Variants in LRP1B observed in about 807,000 individuals in gnomAD.
LRP1B encodes the protein low-density lipoprotein receptor-related protein 1B.
In LRP1B, 217 loss-of-function variants were observed where a neutral mutation model predicts 556.6. That is an observed-to-expected ratio of 0.39 (90% CI 0.35 to 0.44). The LOEUF (loss-of-function observed/expected upper bound fraction) is 0.44. Ranked by LOEUF, LRP1B falls within the 20% of genes least tolerant of loss-of-function variation. The pLI, the probability that LRP1B is intolerant of heterozygous loss-of-function variation, is 1.00. For synonymous variants in LRP1B, 2,047 were observed against 1,865.8 expected (o/e 1.10, Z -2.50); for missense variants, 5,053 against 5,620.8 (o/e 0.90, Z 3.23).
intron 2 of LRP1B, among the ~76,000 whole-genome samples, chr2:141,804,160 C>G (rs376718652): frequency 7.9e-5 from 12 of 151,952 alleles, no homozygotes; most frequent in Non-Finnish European, 1.3e-4. Context: ...AATTAGGTAG[C>G]CTGAAGGATT....
intron 1 of LRP1B, among the ~76,000 whole-genome samples, chr2:142,066,602 TG>T (rs1705118619): frequency 6.6e-6 from 1 of 151,532 alleles, no homozygotes; most frequent in Non-Finnish European, 1.5e-5. Flanking sequence ...TTCTCTAATG[TG>T]GTATGTTTTC....
At chr2:140,911,809 A>G (rs1046388521) in intron 21 of LRP1B, among the ~76,000 whole-genome samples, 11 of 151,792 alleles carry the variant, frequency 7.2e-5, no homozygotes, top group African/African-American at 2.7e-4. Context: ...CACATCACCA[A>G]TCCATGATGG....
At chr2:141,782,164 C>A (rs1695276134) in intron 2 of LRP1B, among the ~76,000 whole-genome samples, 1 of 152,086 alleles carries the variant, frequency 6.6e-6, no homozygotes, top group African/African-American at 2.4e-5. Context: ...CCACTGGGTT[C>A]TTTACCAACA....
At chr2:140,936,085 A>G (rs1019815776) in intron 20 of LRP1B, among the ~76,000 whole-genome samples, 1 of 151,786 alleles carries the variant, frequency 6.6e-6, no homozygotes, top group African/African-American at 2.4e-5. Context: ...CATGCCTGCA[A>G]TCCTGGCACT....
At chr2:140,387,330 A>G (rs1278055400) in intron 66 of LRP1B, among the ~76,000 whole-genome samples, 1 of 152,228 alleles carries the variant, frequency 6.6e-6, no homozygotes, top group Non-Finnish European at 1.5e-5. Context: ...AAAATTAAAT[A>G]CTGAGCATCT....
At chr2:140,737,240 T>A (rs1687978230) in intron 35 of LRP1B, among the ~76,000 whole-genome samples, 1 of 152,140 alleles carries the variant, frequency 6.6e-6, no homozygotes. Flanking sequence ...ATTGTGTTGA[T>A]CCTCCTAGAT....
At chr2:140,856,050 A>G (rs1692608337) in intron 27 of LRP1B, among the ~76,000 whole-genome samples, 1 of 152,168 alleles carries the variant, frequency 6.6e-6, no homozygotes, top group Admixed American at 6.6e-5. Context: ...ATGGCTATGT[A>G]TCTGGTACAT....
chr2:142,046,681 T>C (rs1704272232), intron 1 of LRP1B, among the ~76,000 whole-genome samples: 3 of 151,960 alleles, frequency 2.0e-5, no homozygotes, highest in Admixed American at 2.0e-4. Flanking sequence ...GACTGATCAG[T>C]ATAATATAGT....
chr2:141,051,971 T>C (rs1192359670), intron 10 of LRP1B, among the ~76,000 whole-genome samples: 1 of 42,548 alleles, frequency 2.4e-5, no homozygotes, highest in Non-Finnish European at 8.2e-5. Context: ...GCTCTTATTG[T>C]TTAATTTTAG....
chr2:141,655,463 G>C (rs971351242), intron 2 of LRP1B, among the ~76,000 whole-genome samples: 1 of 152,004 alleles, frequency 6.6e-6, no homozygotes, highest in African/African-American at 2.4e-5. Flanking sequence ...GTTGAGCAGA[G>C]TTTTACACCT....
At chr2:141,231,580 T>C (rs978555837) in intron 5 of LRP1B, among the ~76,000 whole-genome samples, 2 of 151,618 alleles carry the variant, frequency 1.3e-5, no homozygotes, top group Non-Finnish European at 2.9e-5. Context: ...ATATAGCACG[T>C]AGCACGTTCC....
At chr2:141,169,348 G>A (rs1680400787) in intron 7 of LRP1B, among the ~76,000 whole-genome samples, 1 of 150,692 alleles carries the variant, frequency 6.6e-6, no homozygotes. Flanking sequence ...AGAAGAGATG[G>A]GACGTATGTA....
At chr2:141,478,900 C>G (rs891053693) in intron 3 of LRP1B, among the ~76,000 whole-genome samples, 2 of 152,024 alleles carry the variant, frequency 1.3e-5, no homozygotes, top group Admixed American at 1.3e-4. Context: ...TGTCACAAAG[C>G]CTTTACATAA....
chr2:140,489,059 T>G (rs2105368888), intron 57 of LRP1B, among the ~76,000 whole-genome samples: 1 of 152,122 alleles, frequency 6.6e-6, no homozygotes, highest in Middle Eastern at 3.4e-3. Flanking sequence ...CTTCAGATAT[T>G]TTTTTCCAAG....
At chr2:141,206,542 G>A (rs6733026) in intron 6 of LRP1B, among the ~76,000 whole-genome samples, 56,907 of 151,482 alleles carry the variant, frequency 0.38, 11,926 homozygotes, top group Middle Eastern at 0.55. Flanking sequence ...AGCCGAGATC[G>A]TGCCACTGCA....
chr2:140,988,883 G>A (rs1432054344), intron 17 of LRP1B, among the ~76,000 whole-genome samples: 2 of 152,078 alleles, frequency 1.3e-5, no homozygotes, highest in Non-Finnish European at 2.9e-5. Flanking sequence ...GCACTAGGCT[G>A]CTGCTAGTCA....
chr2:140,988,432 G>T (rs1696992447), intron 17 of LRP1B, among the ~76,000 whole-genome samples: 1 of 152,082 alleles, frequency 6.6e-6, no homozygotes, highest in African/African-American at 2.4e-5. Context: ...TTGTCACTAT[G>T]GAAAAAATCT....
chr2:141,047,221 G>C (rs775242045), intron 11 of LRP1B, among the ~76,000 whole-genome samples: 10 of 152,038 alleles, frequency 6.6e-5, no homozygotes, highest in Non-Finnish European at 1.2e-4. Flanking sequence ...TAGGCAGACA[G>C]CCTCTGTCAC....
At chr2:141,379,714 A>G (rs1245570395) in intron 3 of LRP1B, among the ~76,000 whole-genome samples, 2 of 152,078 alleles carry the variant, frequency 1.3e-5, no homozygotes, top group Non-Finnish European at 2.9e-5. Context: ...CCCTATCTCT[A>G]TGAGTTGATA....
Sources: allele counts gnomAD v4.1 joint callset (sites outside exome capture counted in the v4.1 genomes callset), GRCh38; gene constraint gnomAD v4.1.1; transcripts MANE v1.5; gene names NCBI Gene and HGNC (gene_info 2026-07-23, HGNC 2026-07-21).